AGO1: variants seen among roughly 807,000 people sequenced by gnomAD.
AGO1 encodes argonaute RISC component 1.
A neutral mutation model predicts 109.2 loss-of-function variants in AGO1; 11 were observed. The observed-to-expected ratio is 0.10, with a 90% CI of 0.06 to 0.17. The LOEUF (loss-of-function observed/expected upper bound fraction) is 0.17, where lower values mean the gene tolerates loss of function less well. AGO1 is among the 10% of genes least tolerant of loss of function. AGO1 has a pLI of 1.00. For synonymous variants in AGO1, 422 were observed against 418.6 expected (o/e 1.01, Z -0.10); for missense variants, 574 against 1,140.3 (o/e 0.50, Z 7.15).
intron 1 of AGO1, among the ~76,000 whole-genome samples, chr1:35,870,274 TTTG>T (rs1192304571): frequency 2.0e-5 from 3 of 152,000 alleles, no homozygotes; most frequent in African/African-American, 4.8e-5. Flanking sequence ...TATAACATTT[TTTG>T]TTGTTGTTTT....
intron 11 of AGO1, among the ~76,000 whole-genome samples, chr1:35,903,294 C>T (rs1645454275): frequency 6.8e-6 from 1 of 147,060 alleles, no homozygotes; most frequent in South Asian, 2.1e-4. Context: ...GCATGAGCCA[C>T]TGTGCCCGGC....
Position 35,917,593 on chromosome 1 carries a change from A to T in AGO1, c.2029A>T (p.Ile677Leu). The change falls in exon 16 of 19, where the codon ATA (isoleucine) becomes TTA (leucine). Residue 677 changes from isoleucine (I) to leucine (L), a missense_variant and splice_region_variant. Physicochemically the swap from Ile to Leu is conservative, Grantham distance 5. Coordinates refer to ENST00000373204, the MANE Select transcript of AGO1 (RefSeq NM_012199.5). ...DGVPEGQLPQ[I>L]LHYELLAIRD... The stretch of plus-strand genomic sequence containing the variant: ...TCCCTCCCCATTTTTTTGTGCCTAG[A>T]TACTCCACTATGAGCTACTGGCCAT... 6.2e-7 allele frequency: 1 copy of T among 1,611,056 alleles called. No individual in the cohort carries two copies. The highest frequency in any genetic ancestry group is 1.7e-4 in the Middle Eastern group (1 of 6,036).
chr1:35,909,769 T>C (rs1645599231), intron 12 of AGO1, among the ~76,000 whole-genome samples: 1 of 152,188 alleles, frequency 6.6e-6, no homozygotes, highest in Non-Finnish European at 1.5e-5. Flanking sequence ...TGCCTTTCAC[T>C]GATACAATAC....
chr1:35,878,509 A>G (rs549090801), upstream of AGO1, among the ~76,000 whole-genome samples: 41 of 152,204 alleles, frequency 2.7e-4, no homozygotes, highest in Non-Finnish European at 5.4e-4. Context: ...GACTGGCTCA[A>G]TTACATCCTT....
In AGO1 at chr1:35,929,361, G is replaced by A. The variant is rs772679199; in HGVS notation, c.*9754G>A. ...TTACTGAGATGGATTGAATCAGAGGGTGTAAATTCTGCTCCATCAATGTTG... is the reference window on the plus strand; with the variant it reads ...TTACTGAGATGGATTGAATCAGAGGATGTAAATTCTGCTCCATCAATGTTG... On this transcript the variant is annotated 3_prime_UTR_variant, in exon 19 of 19. Transcript: ENST00000373204. 1.3e-5 allele frequency: 2 copies of A among 152,238 alleles called. No individual in the cohort carries two copies. The highest frequency in any genetic ancestry group is 2.9e-5 in the Non-Finnish European group (2 of 68,040). The allele number at this position is 152,238 out of a possible 1,614,324, so 9.4% of individuals were successfully genotyped here.
chr1:35,906,070 T>G (rs1316856905), intron 11 of AGO1, among the ~76,000 whole-genome samples: 1 of 152,240 alleles, frequency 6.6e-6, no homozygotes, highest in African/African-American at 2.4e-5. Context: ...ATTTCAGTTT[T>G]TGAGTATCTT....
In AGO1 at chr1:35,883,490, G is replaced by C; in HGVS notation, c.25+44G>C. On this transcript the variant is annotated intron_variant, in intron 1 of 18. Transcript: ENST00000373204. The surrounding 1 kb of genome is among the most constrained non-coding windows in gnomAD (Gnocchi z 5.4). Reference sequence around the variant, plus strand: ...GGGAACGGTGCATGCTCCAAGGACTGGGGGATCCCGCATGAAAAGCGTGGT... The same window carrying C: ...GGGAACGGTGCATGCTCCAAGGACTCGGGGATCCCGCATGAAAAGCGTGGT... The C allele has an allele frequency of 6.6e-7, 1 of 1,512,956 alleles. No individual in the cohort carries two copies. Among genetic ancestry groups the C allele is most frequent in the Non-Finnish European group, 8.8e-7 (1 of 1,135,846 alleles). The allele number at this position is 1,512,956 out of a possible 1,614,324, so 93.7% of individuals were successfully genotyped here. A position where few individuals can be genotyped will look rare whatever the true frequency, so the allele number is the denominator to read the frequency against.
chr1:35,909,806 T>G (rs1222422551), intron 12 of AGO1, among the ~76,000 whole-genome samples: 1 of 152,104 alleles, frequency 6.6e-6, no homozygotes, highest in African/African-American at 2.4e-5. Context: ...GGAGAGAAGT[T>G]GTTTGATCTT....
At position 35,926,246 on chromosome 1, in the gene AGO1, G is replaced by C. The variant is rs1645924925; in HGVS notation, c.*6639G>C. The C allele has an allele frequency of 6.6e-6, 1 of 152,192 alleles. No homozygotes were observed. The highest frequency in any genetic ancestry group is 2.1e-4 in the South Asian group (1 of 4,832). The allele number at this position is 152,192 out of a possible 1,614,324, so 9.4% of individuals were successfully genotyped here. A position where few individuals can be genotyped will look rare whatever the true frequency, so the allele number is the denominator to read the frequency against. On this transcript the variant is annotated 3_prime_UTR_variant, in exon 19 of 19. Transcript: ENST00000373204. ...TGAAAAGCCTTCAGGATTTGCCTGT[G>C]GTTGCTACTCAAGTTAAAAAGACTG...
Position 35,928,673 on chromosome 1 carries a change from A to G in AGO1, c.*9066A>G, listed in dbSNP as rs753949706. 6.6e-6 allele frequency: 1 copy of G among 152,202 alleles called. No individual in the cohort carries two copies. Among genetic ancestry groups the G allele is most frequent in the Non-Finnish European group, 1.5e-5 (1 of 68,030 alleles). 9.4% of individuals were successfully genotyped at this position (152,202 alleles called of 1,614,324 possible). On this transcript the variant is annotated 3_prime_UTR_variant, in exon 19 of 19. Coordinates refer to ENST00000373204, the MANE Select transcript of AGO1 (RefSeq NM_012199.5). ...TAAACACAAGTCCTTTGTTGGATAT[A>G]TCTTTTACATCTATTTTTCCCAGTC...
upstream of AGO1, among the ~76,000 whole-genome samples, chr1:35,881,306 C>T (rs1022712794): frequency 6.6e-6 from 1 of 152,076 alleles, no homozygotes; most frequent in African/African-American, 2.4e-5. Context: ...CTTACCAATC[C>T]AAGTTTTGTT....
intron 11 of AGO1, among the ~76,000 whole-genome samples, chr1:35,905,830 A>C (rs914081729): frequency 1.3e-5 from 2 of 152,168 alleles, no homozygotes; most frequent in Non-Finnish European, 2.9e-5. Flanking sequence ...TACTCAATTT[A>C]TATACCTATA....
rs917773706 is a variant in AGO1 at position 35,925,261 on chromosome 1, T to G, written c.*5654T>G. 3 of 151,472 alleles carry G rather than the reference T, an allele frequency of 2.0e-5. No homozygotes were observed. Among genetic ancestry groups the G allele is most frequent in the Non-Finnish European group, 4.4e-5 (3 of 67,854 alleles). 9.4% of individuals were successfully genotyped at this position (151,472 alleles called of 1,614,324 possible). On this transcript the variant is annotated 3_prime_UTR_variant, in exon 19 of 19. Transcript: ENST00000373204. ...TTGGGGATCTTGTAACTCTATGACT[T>G]ACTTACGTTATTCTCCAGTATTTCT...
In AGO1 at chr1:35,914,232, A is replaced by C. The variant is rs753726639; in HGVS notation, c.1791A>C (p.Thr597=). 1 of 1,614,134 alleles carries C rather than the reference A, an allele frequency of 6.2e-7. No individual in the cohort carries two copies. The highest frequency in any genetic ancestry group is 1.7e-5 in the Admixed American group (1 of 60,016). Residue 597 remains threonine (T), a synonymous_variant, in exon 14 of 19, where the codon ACA becomes ACC. Coordinates refer to ENST00000373204, the MANE Select transcript of AGO1 (RefSeq NM_012199.5). The part of the protein sequence containing the change: ...QPVIFLGADV[T]HPPAGDGKKP... ...TGATATTCCTGGGAGCAGATGTTAC[A>C]CACCCCCCAGCAGGGGATGGGAAAA... is the stretch of plus-strand genomic sequence containing the variant.
upstream of AGO1, among the ~76,000 whole-genome samples, chr1:35,880,967 T>C (rs927919486): frequency 1.3e-5 from 2 of 152,106 alleles, no homozygotes; most frequent in African/African-American, 4.8e-5. Context: ...GCCACTGAAG[T>C]GTTTTTATGT....
chr1:35,875,318 G>A (rs1400155954), intron 1 of AGO1, among the ~76,000 whole-genome samples: 1 of 152,034 alleles, frequency 6.6e-6, no homozygotes, highest in Non-Finnish European at 1.5e-5. Flanking sequence ...GAGCCTTTAA[G>A]AATTATGCTG....
chr1:35,925,612 A>G lies in AGO1; in HGVS notation c.*6005A>G, dbSNP rs1192327329. 1 of 151,776 alleles carries G rather than the reference A, an allele frequency of 6.6e-6. No homozygotes were observed. The highest frequency in any genetic ancestry group is 1.5e-5 in the Non-Finnish European group (1 of 67,992). The allele number at this position is 151,776 out of a possible 1,614,324, so 9.4% of individuals were successfully genotyped here. A position where few individuals can be genotyped will look rare whatever the true frequency, so the allele number is the denominator to read the frequency against. The stretch of plus-strand genomic sequence containing the variant: ...GAAATAGGCTAGTAGTCTGTGGTTT[A>G]TGAGTATGGGCTGGGTGGGCAGTGG... On this transcript the variant is annotated 3_prime_UTR_variant, in exon 19 of 19. Transcript: ENST00000373204.
rs528689854 is a variant in AGO1, at chr1:35,922,983, G to A, written c.*3376G>A. 6.6e-6 allele frequency: 1 copy of A among 152,348 alleles called. No homozygotes were observed. The highest frequency in any genetic ancestry group is 1.9e-4 in the East Asian group (1 of 5,188). The allele number at this position is 152,348 out of a possible 1,614,324, so 9.4% of individuals were successfully genotyped here. A position where few individuals can be genotyped will look rare whatever the true frequency, so the allele number is the denominator to read the frequency against. On this transcript the variant is annotated 3_prime_UTR_variant, in exon 19 of 19. Coordinates refer to ENST00000373204, the MANE Select transcript of AGO1 (RefSeq NM_012199.5). ...GGGTATCCTGGGTTTGAGTGTTAGG[G>A]GATGGACATAAAGGAAAAAGAGTGA...
chr1:35,900,961 G>T (rs1645404223), intron 8 of AGO1, among the ~76,000 whole-genome samples: 1 of 151,054 alleles, frequency 6.6e-6, no homozygotes, highest in Non-Finnish European at 1.5e-5. Flanking sequence ...TCTGGCTCTG[G>T]ATCACAAGCG....
Sources: gnomAD v4.1 joint callset for allele counts (sites outside exome capture counted in the v4.1 genomes callset) on GRCh38, gnomAD v4.1.1 for gene constraint, Gnocchi (gnomAD v3.1) non-coding constraint, MANE v1.5 for transcripts, NCBI Gene and HGNC (gene_info 2026-07-23, HGNC 2026-07-21) for gene names.